IQSEC3: variants seen among roughly 807,000 people sequenced by gnomAD.
IQSEC3 encodes the protein IQ motif and SEC7 domain-containing protein 3.
Under a neutral mutation model 105.4 loss-of-function variants are expected in IQSEC3, and 50 were observed. The ratio of observed to expected loss-of-function variants is 0.47; its 90% CI spans 0.38 to 0.60. IQSEC3 has a LOEUF of 0.60. Ranked by LOEUF, IQSEC3 falls within the 20% of genes least tolerant of loss-of-function variation. IQSEC3 has a pLI of 0.00. For missense variants in IQSEC3, 1,415 were observed against 1,630.0 expected (o/e 0.87, Z 2.27); for synonymous variants, 708 against 746.0 (o/e 0.95, Z 0.83).
At chr12:107,402 CTTT>C (rs58053657) in intron 2 of IQSEC3, among the ~76,000 whole-genome samples, 7 of 75,984 alleles carry the variant, frequency 9.2e-5, no homozygotes, top group African/African-American at 3.1e-4. Flanking sequence ...AGTCTGTTTT[CTTT>C]TTTTTTTTTT....
At chr12:128,238 T>C (rs60070591) in intron 3 of IQSEC3, among the ~76,000 whole-genome samples, 40,367 of 152,118 alleles carry the variant, frequency 0.27, 5,468 homozygotes, top group Admixed American at 0.3. Context: ...TTCAGCCCTG[T>C]GTCAGCATTT....
chr12:84,228 G>A (rs568347420), intron 1 of IQSEC3, among the ~76,000 whole-genome samples: 9 of 152,332 alleles, frequency 5.9e-5, no homozygotes, highest in Admixed American at 1.3e-4. Context: ...AATTTGGCCC[G>A]TGGCCCACTC....
chr12:151,402 G>A (rs527575912), intron 5 of IQSEC3, among the ~76,000 whole-genome samples: 28 of 152,082 alleles, frequency 1.8e-4, no homozygotes, highest in Admixed American at 1.4e-3. Context: ...CCTGCACCTC[G>A]AGTCCCATCT....
Position 175,995 on chromosome 12 carries a change from C to T in IQSEC3, c.*962C>T, listed in dbSNP as rs1175954323. On this transcript the variant is annotated 3_prime_UTR_variant, in exon 14 of 14. Transcript: ENST00000538872. Reference sequence around the variant, plus strand: ...GCAGGGCTCCCTCCTGCATGAGGCTCGGCCCGAGGCAGGGCTCCCTCCTGC... The same window carrying T: ...GCAGGGCTCCCTCCTGCATGAGGCTTGGCCCGAGGCAGGGCTCCCTCCTGC... 4.9e-5 allele frequency: 7 copies of T among 142,122 alleles called. No individual in the cohort carries two copies. The highest frequency in any genetic ancestry group is 1.9e-4 in the African/African-American group (6 of 31,972). The allele number at this position is 142,122 out of a possible 1,614,324, so 8.8% of individuals were successfully genotyped here.
intron 2 of IQSEC3, among the ~76,000 whole-genome samples, chr12:117,625 C>T (rs1865090564): frequency 1.3e-5 from 2 of 152,172 alleles, no homozygotes; most frequent in South Asian, 4.1e-4. Context: ...GAGGGCTGAG[C>T]CCAGAGAAGT....
rs557268281 is a variant in IQSEC3, at chr12:149,791, C to A, written c.2154-7234C>A. 7.8e-4 allele frequency among the ~76,000 whole-genome samples: 118 copies of A among 152,144 alleles called. 3 individuals carry two copies. Among genetic ancestry groups the A allele is most frequent in the African/African-American group, 2.7e-3 (111 of 41,498 alleles). On this transcript the variant is annotated intron_variant, in intron 5 of 13. Coordinates refer to ENST00000538872, the MANE Select transcript of IQSEC3 (RefSeq NM_001170738.2). Reference sequence around the variant, plus strand: ...GACCTGCAGGGTTGGGGCTGGGCAGCAGGAAGAAATAACAGCATGCACCAA... The same window carrying A: ...GACCTGCAGGGTTGGGGCTGGGCAGAAGGAAGAAATAACAGCATGCACCAA...
rs1866920006 is a variant in IQSEC3 at position 162,121 on chromosome 12, A to C, written c.2583+56A>C. ...CTCCTTTCCTTTCTTTCTTCCTGGC[A>C]TCTCTTCCCATTCTCCTTCTTACCT... On this transcript the variant is annotated intron_variant, in intron 8 of 13. Transcript: ENST00000538872. 1.6e-5 allele frequency: 26 copies of C among 1,584,792 alleles called. No individual in the cohort carries two copies. In the South Asian group the frequency reaches 2.9e-4, roughly 18 times the overall value.
rs973036445 is a variant in IQSEC3, at chr12:171,019, T to C, written c.3065-93T>C. 7.3e-6 allele frequency: 11 copies of C among 1,501,998 alleles called. No homozygotes were observed. The Admixed American group carries it at 1.0e-4, about 14-fold the overall frequency. The allele number at this position is 1,501,998 out of a possible 1,614,324, so 93.0% of individuals were successfully genotyped here. A position where few individuals can be genotyped will look rare whatever the true frequency, so the allele number is the denominator to read the frequency against. On this transcript the variant is annotated intron_variant, in intron 12 of 13. Transcript: ENST00000538872. Reference sequence around the variant, plus strand: ...CAGTGAGGAGCAGTGTGACCCCAAGTCTTAGCTGCAGAGATGCTTGAGGGG... The same window carrying C: ...CAGTGAGGAGCAGTGTGACCCCAAGCCTTAGCTGCAGAGATGCTTGAGGGG...
intron 9 of IQSEC3, among the ~76,000 whole-genome samples, chr12:164,221 G>A (rs1490738763): frequency 6.6e-6 from 1 of 152,132 alleles, no homozygotes; most frequent in Non-Finnish European, 1.5e-5. Flanking sequence ...CTCTATCCAT[G>A]AGCCACGTTG....
chr12:125,814 TC>T lies in IQSEC3; in HGVS notation c.810del (p.Gly271AlafsTer27), dbSNP rs1467885955. 2 of 1,527,284 alleles carry T rather than the reference TC, an allele frequency of 1.3e-6. No homozygotes were observed. The highest frequency in any genetic ancestry group is 1.4e-5 in the African/African-American group (1 of 72,388). The allele number at this position is 1,527,284 out of a possible 1,614,324, so 94.6% of individuals were successfully genotyped here. On this transcript the variant is annotated frameshift_variant, in exon 3 of 14. Coordinates refer to ENST00000538872, the MANE Select transcript of IQSEC3 (RefSeq NM_001170738.2). LOFTEE classifies it high-confidence loss of function. ...SPRAGPQHKA[S>X]PGRQQPALAT... is the part of the protein sequence containing the mutation. The stretch of plus-strand genomic sequence containing the variant: ...AAGGGCTGGCCCCCAGCACAAGGCC[TC>T]CCCCGGCCGGCAGCAGCCTGCCCTG...
At chr12:131,205 G>A (rs1267689273) in intron 3 of IQSEC3, among the ~76,000 whole-genome samples, 9 of 152,308 alleles carry the variant, frequency 5.9e-5, no homozygotes, top group South Asian at 2.1e-4. Flanking sequence ...GGAGGCCCCC[G>A]CGCCCCTGCC....
intron 2 of IQSEC3, among the ~76,000 whole-genome samples, chr12:105,390 C>CA (rs201238028): frequency 1.3e-5 from 2 of 151,742 alleles, no homozygotes; most frequent in African/African-American, 2.4e-5. Context: ...GACAGAGTGG[C>CA]ACCTGCACAG....
At chr12:108,040 T>G (rs1864740677) in intron 2 of IQSEC3, among the ~76,000 whole-genome samples, 1 of 152,190 alleles carries the variant, frequency 6.6e-6, no homozygotes, top group African/African-American at 2.4e-5. Context: ...GCCAAATAGT[T>G]TAACTTCTAC....
intron 5 of IQSEC3, among the ~76,000 whole-genome samples, chr12:154,898 A>G (rs1226844778): frequency 4.0e-5 from 6 of 151,132 alleles, no homozygotes; most frequent in Non-Finnish European, 8.9e-5. Flanking sequence ...GTCGAATTAG[A>G]CTTTCCTTGT....
intron 1 of IQSEC3, among the ~76,000 whole-genome samples, chr12:93,058 G>A (rs1347717342): frequency 1.3e-5 from 2 of 152,170 alleles, no homozygotes; most frequent in African/African-American, 2.4e-5. Context: ...CTTGCCATTC[G>A]CTGTTGTATT....
rs1565437919 is a variant in IQSEC3, at chr12:151,047, CACG to C, written c.2154-5977_2154-5975del. ...CTGAGATGATTCAGTAGAGGGGAGG[CACG>C]GTAGCTATCTGAAAGAACACCTCAA... is the stretch of plus-strand genomic sequence containing the variant. On this transcript the variant is annotated intron_variant, in intron 5 of 13. Coordinates refer to ENST00000538872, the MANE Select transcript of IQSEC3 (RefSeq NM_001170738.2). Among the ~76,000 whole-genome samples, 32 of 147,684 alleles carry C rather than the reference CACG, an allele frequency of 2.2e-4. 8 individuals are homozygous for C. The highest frequency in any genetic ancestry group is 4.0e-4 in the Admixed American group (6 of 14,842).
chr12:172,115 G>A (rs1939033766), intron 13 of IQSEC3, among the ~76,000 whole-genome samples: 4 of 152,140 alleles, frequency 2.6e-5, no homozygotes, highest in Admixed American at 2.6e-4. Flanking sequence ...TCGACCCGGA[G>A]GGGCCCCCAT....
chr12:131,146 A>T (rs772341646), intron 3 of IQSEC3, among the ~76,000 whole-genome samples: 24 of 151,180 alleles, frequency 1.6e-4, no homozygotes, highest in Non-Finnish European at 1.5e-4. Flanking sequence ...CAGCAACCTG[A>T]AAGAAGGGGG....
rs149942108 is a variant in IQSEC3 at position 125,820 on chromosome 12, G to A, written c.811G>A (p.Gly271Ser). 70 of 1,528,922 alleles carry A rather than the reference G, an allele frequency of 4.6e-5. No homozygotes were observed. In the East Asian group the frequency reaches 1.1e-3, roughly 24 times the overall value. The allele number at this position is 1,528,922 out of a possible 1,614,324, so 94.7% of individuals were successfully genotyped here. Reference protein sequence around the residue: ...RAGPQHKASPGRQQPALATAL... With the variant: ...RAGPQHKASPSRQQPALATAL... ...TGGCCCCCAGCACAAGGCCTCCCCCGGCCGGCAGCAGCCTGCCCTGGCGAC... is the reference window on the plus strand; with the variant it reads ...TGGCCCCCAGCACAAGGCCTCCCCCAGCCGGCAGCAGCCTGCCCTGGCGAC... The change falls in exon 3 of 14, where the codon GGC (glycine) becomes AGC (serine). Residue 271 changes from glycine to serine, a missense_variant. Coordinates refer to ENST00000538872, the MANE Select transcript of IQSEC3 (RefSeq NM_001170738.2).
Sources: gnomAD v4.1 joint callset for allele counts (sites outside exome capture counted in the v4.1 genomes callset) on GRCh38, gnomAD v4.1.1 for gene constraint, MANE v1.5 for transcripts, NCBI Gene and HGNC (gene_info 2026-07-23, HGNC 2026-07-21) for gene names.